SYT9: variants seen among roughly 807,000 people sequenced by gnomAD.
SYT9 encodes synaptotagmin-9.
In SYT9, 22 loss-of-function variants were observed where a neutral mutation model predicts 48.4. That is an observed-to-expected ratio of 0.45 (90% CI 0.32 to 0.65). The LOEUF (loss-of-function observed/expected upper bound fraction) is 0.65. SYT9 is among the 30% of genes least tolerant of loss of function. The probability of loss-of-function intolerance (pLI) is 0.03; values close to 1 mark genes in which losing one functional copy is unlikely to be tolerated. For missense variants in SYT9, 577 were observed against 622.0 expected (o/e 0.93, Z 0.77); for synonymous variants, 265 against 245.0 (o/e 1.08, Z -0.76).
At chr11:7,455,773 G>C (rs1211591137) in intron 6 of SYT9, among the ~76,000 whole-genome samples, 1 of 152,174 alleles carries the variant, frequency 6.6e-6, no homozygotes, top group African/African-American at 2.4e-5. Context: ...CATGGGGTTG[G>C]TACTTAGTCC....
intron 3 of SYT9, among the ~76,000 whole-genome samples, chr11:7,372,561 A>G (rs994853013): frequency 6.6e-6 from 1 of 152,094 alleles, no homozygotes; most frequent in South Asian, 2.1e-4. Flanking sequence ...AGAGGGGGGA[A>G]TCTCTCTATG....
At chr11:7,400,366 C>A (rs1846864479) in intron 3 of SYT9, among the ~76,000 whole-genome samples, 1 of 152,130 alleles carries the variant, frequency 6.6e-6, no homozygotes, top group African/African-American at 2.4e-5. Flanking sequence ...CCTGACCTTA[C>A]ATATGCAAAA....
intron 3 of SYT9, among the ~76,000 whole-genome samples, chr11:7,328,690 T>C (rs1045602005): frequency 3.9e-5 from 6 of 152,194 alleles, no homozygotes; most frequent in Non-Finnish European, 7.4e-5. Context: ...ATTTACCACT[T>C]CTCTTGGTTT....
At chr11:7,340,499 T>C (rs190981591) in intron 3 of SYT9, among the ~76,000 whole-genome samples, 18 of 152,226 alleles carry the variant, frequency 1.2e-4, no homozygotes, top group African/African-American at 3.9e-4. Flanking sequence ...GGGTATTCTT[T>C]TAACTGCTGG....
Position 7,313,729 on chromosome 11 carries a change from A to G in SYT9, c.832A>G (p.Arg278Gly), listed in dbSNP as rs766704584. 2.5e-6 allele frequency: 4 copies of G among 1,614,240 alleles called. No individual in the cohort carries two copies. The highest frequency in any genetic ancestry group is 2.2e-5 in the East Asian group (1 of 44,890). Residue 278 changes from arginine (R) to glycine (G), a missense_variant, in exon 3 of 7, where the codon AGA (arginine) becomes GGA (glycine). Coordinates refer to ENST00000318881, the MANE Select transcript of SYT9 (RefSeq NM_175733.4). ...RKTKHQTKVH[R>G]KTLNPVFDEV... ...AACAAAACACCAGACTAAAGTTCAC[A>G]GAAAGACCCTGAACCCTGTGTTTGA... is the stretch of plus-strand genomic sequence containing the variant.
intron 3 of SYT9, among the ~76,000 whole-genome samples, chr11:7,329,794 TG>T: frequency 6.6e-6 from 1 of 152,298 alleles, no homozygotes; most frequent in South Asian, 2.1e-4. Context: ...CAGAAGGAGA[TG>T]CTCAGGAACC....
At chr11:7,371,497 A>G (rs1417707455) in intron 3 of SYT9, among the ~76,000 whole-genome samples, 18 of 129,402 alleles carry the variant, frequency 1.4e-4, no homozygotes, top group Non-Finnish European at 3.7e-5. Context: ...TTATATATAG[A>G]AAAAAAGCTG....
At chr11:7,428,944 C>T (rs888072827) in intron 6 of SYT9, among the ~76,000 whole-genome samples, 4 of 152,102 alleles carry the variant, frequency 2.6e-5, no homozygotes, top group African/African-American at 9.7e-5. Flanking sequence ...TGAGTGAATA[C>T]TTAAGTTGTA....
At chr11:7,278,871 C>T (rs914546954) in intron 1 of SYT9, among the ~76,000 whole-genome samples, 3 of 152,172 alleles carry the variant, frequency 2.0e-5, no homozygotes, top group Admixed American at 6.5e-5. Context: ...AGGGTCCATG[C>T]ACTACACCTA....
At chr11:7,294,151 A>C (rs544744521) in intron 1 of SYT9, among the ~76,000 whole-genome samples, 1 of 152,302 alleles carries the variant, frequency 6.6e-6, no homozygotes, top group South Asian at 2.1e-4. Context: ...TATCCCATTC[A>C]TGAGGGCTTC....
intron 6 of SYT9, among the ~76,000 whole-genome samples, chr11:7,426,870 T>G (rs951958311): frequency 6.6e-6 from 1 of 152,172 alleles, no homozygotes; most frequent in African/African-American, 2.4e-5. Flanking sequence ...ATCCCCTTTT[T>G]CTCAATAAGG....
intron 6 of SYT9, among the ~76,000 whole-genome samples, chr11:7,443,326 T>C (rs1310883734): frequency 8.5e-5 from 13 of 152,152 alleles, no homozygotes; most frequent in Admixed American, 8.5e-4. Context: ...AAGAAAATAA[T>C]TAGATTGTTT....
chr11:7,332,636 G>C (rs1372988536), intron 3 of SYT9, among the ~76,000 whole-genome samples: 1 of 152,196 alleles, frequency 6.6e-6, no homozygotes, highest in African/African-American at 2.4e-5. Flanking sequence ...TTGGCTTGCT[G>C]CCTTGGCGTT....
At chr11:7,464,807 G>T (rs1209934776) in intron 6 of SYT9, among the ~76,000 whole-genome samples, 1 of 152,142 alleles carries the variant, frequency 6.6e-6, no homozygotes, top group Non-Finnish European at 1.5e-5. Context: ...TCGGGGCCAG[G>T]CGCGGTGGCT....
intron 3 of SYT9, among the ~76,000 whole-genome samples, chr11:7,363,394 G>C (rs7101550): frequency 6.6e-6 from 1 of 152,088 alleles, no homozygotes; most frequent in African/African-American, 2.4e-5. Flanking sequence ...TACTAGTACC[G>C]AAATGTAGAA....
At chr11:7,261,105 T>A (rs1349223369) in intron 1 of SYT9, among the ~76,000 whole-genome samples, 2 of 152,192 alleles carry the variant, frequency 1.3e-5, no homozygotes, top group African/African-American at 2.4e-5. Context: ...GGCATAATTT[T>A]AAAAAATAAT....
At chr11:7,426,709 T>C (rs1847464721) in intron 6 of SYT9, among the ~76,000 whole-genome samples, 1 of 152,168 alleles carries the variant, frequency 6.6e-6, no homozygotes, top group Admixed American at 6.5e-5. Flanking sequence ...TCCTCCTCTC[T>C]TCTCTGTATC....
At chr11:7,244,464 C>T (rs1282965580) in intron 1 of SYT9, among the ~76,000 whole-genome samples, 1 of 152,132 alleles carries the variant, frequency 6.6e-6, no homozygotes, top group Admixed American at 6.5e-5. Flanking sequence ...CTATTGATGC[C>T]CAAGATGACA....
intron 3 of SYT9, among the ~76,000 whole-genome samples, chr11:7,354,073 T>C (rs1849970914): frequency 6.6e-6 from 1 of 152,232 alleles, no homozygotes; most frequent in South Asian, 2.1e-4. Context: ...TTTCAAATAA[T>C]GATTTGATTG....
Sources: allele counts gnomAD v4.1 joint callset (sites outside exome capture counted in the v4.1 genomes callset), GRCh38; gene constraint gnomAD v4.1.1; transcripts MANE v1.5; gene names NCBI Gene and HGNC (gene_info 2026-07-23, HGNC 2026-07-21).